The following LSP1 variants were observed in gnomAD, a reference collection of about 807,000 sequenced individuals.
LSP1 encodes the protein lymphocyte specific protein 1, also known as lymphocyte-specific protein 1.
LSP1 carries 32 observed loss-of-function variants against 49.3 expected under a neutral mutation model. The observed-to-expected ratio is 0.65, with a 90% CI of 0.49 to 0.87. The LOEUF (loss-of-function observed/expected upper bound fraction) is 0.87, where lower values mean the gene tolerates loss of function less well. Among genes scored for constraint, LSP1 ranks in the 40% least tolerant of loss-of-function variants. The pLI, the probability that LSP1 is intolerant of heterozygous loss-of-function variation, is 0.00. For missense variants in LSP1, 428 were observed against 442.6 expected, an observed-to-expected ratio of 0.97 and a Z score of 0.30; for synonymous variants, 179 against 178.8, an observed-to-expected ratio of 1.00 and a Z score of -0.01.
At chr11:1,878,206 T>C (rs556494731) in intron 1 of LSP1, among the ~76,000 whole-genome samples, 1 of 151,944 alleles carries the variant, frequency 6.6e-6, no homozygotes, top group Non-Finnish European at 1.5e-5. Context: ...ATGGAACCCC[T>C]CCACCTCCTC....
chr11:1,876,979 C>T (rs1422614023), intron 1 of LSP1, among the ~76,000 whole-genome samples: 14 of 152,294 alleles, frequency 9.2e-5, no homozygotes, highest in African/African-American at 3.4e-4. Context: ...TTGGGCTGAA[C>T]CTTGGGCTTC....
chr11:1,865,156 C>T lies in LSP1; in HGVS notation c.53+11959C>T, dbSNP rs909339021. Reference sequence around the variant, plus strand: ...AGCCTTTGAGATGCTGCTCTATCCCCGGGGCTGGGGTCAGGCCAGGTCGCC... The same window carrying T: ...AGCCTTTGAGATGCTGCTCTATCCCTGGGGCTGGGGTCAGGCCAGGTCGCC... On this transcript the variant is annotated intron_variant, in intron 1 of 10. Coordinates refer to ENST00000311604, the MANE Select transcript of LSP1 (RefSeq NM_002339.3). The T allele has an allele frequency of 2.3e-5, 23 of 981,386 alleles. No individual in the cohort carries two copies. In the East Asian group the frequency reaches 4.6e-4, roughly 19 times the overall value. 60.8% of individuals were successfully genotyped at this position (981,386 alleles called of 1,614,324 possible). A position where few individuals can be genotyped will look rare whatever the true frequency, so the allele number is the denominator to read the frequency against.
chr11:1,887,171 C>T, intron 8 of LSP1, 66 bp from the exon 9 acceptor site: 1 of 1,355,904 alleles, frequency 7.4e-7, no homozygotes, highest in Non-Finnish European at 1.0e-6. Context: ...GAGAGAAGGG[C>T]CCAGGGCTTC....
At chr11:1,885,690 TCAGTGCCCCTCCATCCACC>T (rs1423168155) in intron 7 of LSP1, among the ~76,000 whole-genome samples, 2 of 150,926 alleles carry the variant, frequency 1.3e-5, no homozygotes, top group African/African-American at 2.4e-5. Context: ...CTCTACTAAA[TCAGTGCCCCTCCATCCACC>T]CAGTGCCCCT....
At chr11:1,878,682 G>A (rs891273730) in intron 1 of LSP1, among the ~76,000 whole-genome samples, 1 of 152,148 alleles carries the variant, frequency 6.6e-6, no homozygotes, top group Non-Finnish European at 1.5e-5. Context: ...GGATCAGGCT[G>A]CAGGGTCAGG....
intron 1 of LSP1, chr11:1,876,428 A>T: frequency 3.1e-6 from 3 of 982,080 alleles, no homozygotes; most frequent in Non-Finnish European, 3.6e-6. Context: ...CCTGGAGGAG[A>T]AGCTCCCCCT....
At chr11:1,880,471 C>T (rs866657307) in intron 2 of LSP1, among the ~76,000 whole-genome samples, 1 of 152,174 alleles carries the variant, frequency 6.6e-6, no homozygotes, top group African/African-American at 2.4e-5. Context: ...GTGTCCGTGC[C>T]CTGGCCCTTG....
Position 1,880,205 on chromosome 11 carries a change from C to A in LSP1, c.172C>A (p.Arg58=). Residue 58 remains arginine, a synonymous_variant, in exon 2 of 11, where the codon CGG becomes AGG. Transcript: ENST00000311604. ...DEEGGGHVPE[R]PKQEMLLSLK... is the part of the protein sequence containing the mutation. ...GGAGGGAGGCGGCCATGTCCCCGAG[C>A]GGCCGAAGCAGGAGATGCTGTGAGC... 1 of 1,597,748 alleles carries A rather than the reference C, an allele frequency of 6.3e-7. No homozygotes were observed. Among genetic ancestry groups the A allele is most frequent in the Non-Finnish European group, 8.5e-7 (1 of 1,170,244 alleles).
At position 1,883,904 on chromosome 11, in the gene LSP1, C is replaced by T. The variant is rs375704711; in HGVS notation, c.499-28C>T. The T allele has an allele frequency of 2.6e-4, 412 of 1,583,706 alleles. 6 individuals carry two copies. The Middle Eastern group carries it at 0.026, about 99-fold the overall frequency. ...CAGGAGGGGCACAAGCAGGGGGTCA[C>T]TTGGGATGTCTGTTTTTTTTTTTCT... is the stretch of plus-strand genomic sequence containing the variant. On this transcript the variant is annotated intron_variant, in intron 4 of 10. Coordinates refer to ENST00000311604, the MANE Select transcript of LSP1 (RefSeq NM_002339.3).
intron 1 of LSP1, chr11:1,865,183 C>T (rs1847746194): frequency 1.0e-6 from 1 of 985,976 alleles, no homozygotes; most frequent in Non-Finnish European, 1.2e-6. Context: ...CAGGTCGCCG[C>T]CTGAGCAGAG....
chr11:1,876,547 C>A (rs1192816897), intron 1 of LSP1: 2 of 985,582 alleles, frequency 2.0e-6, no homozygotes, highest in Non-Finnish European at 2.4e-6. Flanking sequence ...TCAGGACAGC[C>A]GGGTGGGGCA....
intron 1 of LSP1, among the ~76,000 whole-genome samples, chr11:1,879,059 A>C (rs576566962): frequency 5.0e-4 from 76 of 152,246 alleles, no homozygotes; most frequent in African/African-American, 1.7e-3. Flanking sequence ...GAAATGGCTC[A>C]ATCGGCTGGG....
chr11:1,868,592 C>A, intron 1 of LSP1: 2 of 950,290 alleles, frequency 2.1e-6, no homozygotes, highest in Non-Finnish European at 2.5e-6. Flanking sequence ...AGGCCTCCAA[C>A]CACAGTGTCC....
At chr11:1,870,351 G>C in intron 1 of LSP1, 1 of 1,273,876 alleles carries the variant, frequency 7.9e-7, no homozygotes, top group South Asian at 1.3e-5. Context: ...ACATACACCG[G>C]GGAGTCTCCT....
intron 10 of LSP1, chr11:1,889,295 G>A: frequency 1.4e-6 from 1 of 700,212 alleles, no homozygotes; most frequent in Non-Finnish European, 2.6e-6. Flanking sequence ...GCAGGCGGGT[G>A]AGGCTGGCTG....
intron 1 of LSP1, among the ~76,000 whole-genome samples, chr11:1,864,880 C>T (rs928065138): frequency 2.6e-5 from 4 of 151,914 alleles, no homozygotes; most frequent in Admixed American, 2.0e-4. Flanking sequence ...AGCCGGCCCA[C>T]AGACTCCTGT....
chr11:1,873,845 C>G (rs914567750), intron 1 of LSP1, among the ~76,000 whole-genome samples: 9 of 138,344 alleles, frequency 6.5e-5, no homozygotes, highest in Non-Finnish European at 1.3e-4. Flanking sequence ...AGGAGGGAGG[C>G]CGGCAGAGGA....
chr11:1,891,538 C>G (rs1476400734), intron 10 of LSP1: 1 of 152,262 alleles, frequency 6.6e-6, no homozygotes, highest in African/African-American at 2.4e-5. Context: ...CTTCCCTCCA[C>G]CAGGAGTCAG....
intron 1 of LSP1, chr11:1,864,265 G>A (rs1847717286): frequency 1.0e-6 from 1 of 987,814 alleles, no homozygotes; most frequent in Non-Finnish European, 1.2e-6. Flanking sequence ...ACGAGGGGCT[G>A]GACAAGAACG....
Sources: allele counts gnomAD v4.1 joint callset (sites outside exome capture counted in the v4.1 genomes callset), GRCh38; gene constraint gnomAD v4.1.1; transcripts MANE v1.5; gene names NCBI Gene and HGNC (gene_info 2026-07-23, HGNC 2026-07-21).